DYNLT2: variants seen among roughly 807,000 people sequenced by gnomAD.
DYNLT2 encodes dynein light chain Tctex-type protein 2.
Under a neutral mutation model 24.3 loss-of-function variants are expected in DYNLT2, and 24 were observed. That is an observed-to-expected ratio of 0.99 (90% CI 0.71 to 1.39). DYNLT2 has a LOEUF of 1.39. DYNLT2 is among the 40% of genes most tolerant of loss of function. The probability of loss-of-function intolerance (pLI) is 0.00; values close to 1 mark genes in which losing one functional copy is unlikely to be tolerated. For missense variants in DYNLT2, 246 were observed against 234.5 expected (o/e 1.05, Z -0.32); for synonymous variants, 85 against 85.4 (o/e 1.00, Z 0.03).
chr6:169,738,405 T>C (rs1290209099), downstream of DYNLT2, among the ~76,000 whole-genome samples: 1 of 152,222 alleles, frequency 6.6e-6, no homozygotes, highest in Non-Finnish European at 1.5e-5. Flanking sequence ...GTTGTGATGC[T>C]AGCCCCAGTG....
rs1176604623 is a variant in DYNLT2 at position 169,751,494 on chromosome 6, T to A, written c.-36A>T. On this transcript the variant is annotated 5_prime_UTR_variant, in exon 1 of 4. In the 5' UTR this introduces an upstream ATG that the reference lacks. Transcript: ENST00000366774. ...TCTCCAAGACGCCCACCGCCTCCCCTTCACCGCCGGCGGTCAAACGCCCTA... is the reference window on the plus strand; with the variant it reads ...TCTCCAAGACGCCCACCGCCTCCCCATCACCGCCGGCGGTCAAACGCCCTA... 1.2e-6 allele frequency: 2 copies of A among 1,610,704 alleles called. No individual in the cohort carries two copies. Among genetic ancestry groups the A allele is most frequent in the Admixed American group, 3.3e-5 (2 of 59,764 alleles).
At chr6:169,750,412 C>T (rs925681475) in intron 1 of DYNLT2, 1 of 152,184 alleles carries the variant, frequency 6.6e-6, no homozygotes, top group East Asian at 1.9e-4. Context: ...TTATTTAGTT[C>T]GTTCTTTCCT....
chr6:169,740,146 A>G lies in DYNLT2; in HGVS notation c.*39T>C. 1 of 1,311,162 alleles carries G rather than the reference A, an allele frequency of 7.6e-7. No homozygotes were observed. The highest frequency in any genetic ancestry group is 1.1e-6 in the Non-Finnish European group (1 of 917,470). 81.2% of individuals were successfully genotyped at this position (1,311,162 alleles called of 1,614,324 possible). A position where few individuals can be genotyped will look rare whatever the true frequency, so the allele number is the denominator to read the frequency against. On this transcript the variant is annotated 3_prime_UTR_variant, in exon 4 of 4. Transcript: ENST00000366774. ...ATATGTAAATTTCATTTATTTTTGA[A>G]AAGTTCGGAAGTAAACAATCCTTAG...
chr6:169,737,997 G>T (rs1789596783), downstream of DYNLT2, among the ~76,000 whole-genome samples: 2 of 150,004 alleles, frequency 1.3e-5, no homozygotes, highest in Non-Finnish European at 3.0e-5. Context: ...CTGTCCCTGA[G>T]CCTCTGGCTG....
downstream of DYNLT2, among the ~76,000 whole-genome samples, chr6:169,735,396 T>C (rs969927399): frequency 6.6e-6 from 1 of 152,228 alleles, no homozygotes; most frequent in Admixed American, 6.5e-5. Context: ...ATTTGAGATC[T>C]TTCTAGCTTT....
At chr6:169,745,792 T>C (rs1789784080) in intron 1 of DYNLT2, among the ~76,000 whole-genome samples, 1 of 152,232 alleles carries the variant, frequency 6.6e-6, no homozygotes, top group Non-Finnish European at 1.5e-5. Flanking sequence ...CTTCACAGAA[T>C]GAGTTAGACA....
rs760118701 is a variant in DYNLT2 at position 169,744,292 on chromosome 6, A to G, written c.121-18T>C. The G allele has an allele frequency of 6.2e-7, 1 of 1,600,712 alleles. No individual in the cohort carries two copies. Among genetic ancestry groups the G allele is most frequent in the East Asian group, 2.2e-5 (1 of 44,774 alleles). On this transcript the variant is annotated intron_variant, in intron 1 of 3. Coordinates refer to ENST00000366774, the MANE Select transcript of DYNLT2 (RefSeq NM_174910.3). ...TGTGTATACTGGAGGAGAAAGAGAG[A>G]GGGGAAGAGAGAAAGGCAGAAAGAT...
chr6:169,748,164 C>T (rs1461427143), intron 1 of DYNLT2, among the ~76,000 whole-genome samples: 3 of 152,166 alleles, frequency 2.0e-5, no homozygotes, highest in Non-Finnish European at 2.9e-5. Context: ...TGAGAAGCTT[C>T]CTCACCAGAT....
rs1338536612 is a variant in DYNLT2 at position 169,740,278 on chromosome 6, G to A, written c.504C>T (p.Ile168=). The A allele has an allele frequency of 6.2e-7, 1 of 1,613,356 alleles. No individual in the cohort carries two copies. Among genetic ancestry groups the A allele is most frequent in the Non-Finnish European group, 8.5e-7 (1 of 1,179,366 alleles). ...GQAINIASRW[I]WDIAWDSWVA... is the part of the protein sequence containing the mutation. ...CCCAGCTGTCCCATGCAATGTCCCA[G>A]ATCCATCTGCTGGCAATCTGTGAGA... The change falls in exon 4 of 4, where the codon ATC becomes ATT. Residue 168 remains isoleucine, a synonymous_variant. Transcript: ENST00000366774.
At chr6:169,726,074 T>C in the DYNLT2 span, among the ~76,000 whole-genome samples, 65 of 152,360 alleles carry the variant, frequency 4.3e-4, no homozygotes, top group African/African-American at 1.5e-3. Flanking sequence ...CACTTTCAAA[T>C]AAATTTGTCA....
At chr6:169,747,266 T>C (rs972941036) in intron 1 of DYNLT2, among the ~76,000 whole-genome samples, 1 of 152,120 alleles carries the variant, frequency 6.6e-6, no homozygotes, top group African/African-American at 2.4e-5. Flanking sequence ...AGCAATTTTA[T>C]TATTCTATGT....
At chr6:169,743,260 A>G in intron 2 of DYNLT2, 22 bp from the exon 3 acceptor site, 1 of 1,406,254 alleles carries the variant, frequency 7.1e-7, no homozygotes, top group South Asian at 1.7e-5. Context: ...TTTAAGAAAA[A>G]TACTTTTATT....
chr6:169,744,588 AG>A (rs1789752858), intron 1 of DYNLT2, among the ~76,000 whole-genome samples: 1 of 152,210 alleles, frequency 6.6e-6, no homozygotes, highest in East Asian at 1.9e-4. Flanking sequence ...AGTGGCCTCC[AG>A]GGAGGGCAAC....
chr6:169,751,207 A>G, intron 1 of DYNLT2, 132 bp downstream of exon 1: 1 of 1,399,846 alleles, frequency 7.1e-7, no homozygotes. Flanking sequence ...TCTGGGGAAA[A>G]AAGAAACACA....
At chr6:169,749,803 G>T (rs1375658605) in intron 1 of DYNLT2, 1 of 152,136 alleles carries the variant, frequency 6.6e-6, no homozygotes, top group African/African-American at 2.4e-5. Flanking sequence ...TAGAAAAAAA[G>T]AAATGGAGGC....
the DYNLT2 span, among the ~76,000 whole-genome samples, chr6:169,728,567 CAA>C: frequency 1.3e-5 from 2 of 152,000 alleles, no homozygotes; most frequent in Non-Finnish European, 2.9e-5. Context: ...TCTTAATAAT[CAA>C]AGAGAAAAAT....
the DYNLT2 span, chr6:169,725,519 T>C: frequency 2.5e-6 from 1 of 394,232 alleles, no homozygotes; most frequent in Non-Finnish European, 4.5e-6. Flanking sequence ...CGTTCTTGCC[T>C]CTGTCCCACC....
Position 169,743,189 on chromosome 6 carries a change from G to T in DYNLT2, c.377C>A (p.Ser126Ter), listed in dbSNP as rs1562996458. The T allele has an allele frequency of 1.3e-6, 2 of 1,580,498 alleles. No individual in the cohort carries two copies. Among genetic ancestry groups the T allele is most frequent in the Admixed American group, 3.4e-5 (2 of 58,920 alleles). ...CAGTATGCGGTCTGCCAATTCAAGT[G>T]ACAAGTGAGAGAATACTTTATCATC... ...KYDDKVFSHL[S>*]LELADRILLA... The change falls in exon 3 of 4, where the codon TCA (serine) becomes TAA (stop). Residue 126 changes from serine to a stop codon, truncating the protein, a stop_gained. Coordinates refer to ENST00000366774, the MANE Select transcript of DYNLT2 (RefSeq NM_174910.3). LOFTEE classifies it high-confidence loss of function.
At chr6:169,737,218 C>A (rs753143735), downstream of DYNLT2, among the ~76,000 whole-genome samples, 2 of 152,134 alleles carry the variant, frequency 1.3e-5, no homozygotes, top group Non-Finnish European at 2.9e-5. Context: ...ATTGCTCTAA[C>A]TTTTTATGAA....
Sources: gnomAD v4.1 joint callset for allele counts (sites outside exome capture counted in the v4.1 genomes callset) on GRCh38, gnomAD v4.1.1 for gene constraint, MANE v1.5 for transcripts, NCBI Gene and HGNC (gene_info 2026-07-23, HGNC 2026-07-21) for gene names.